LRRC37A2: variants seen among roughly 807,000 people sequenced by gnomAD.
LRRC37A2 encodes the protein leucine-rich repeat-containing protein 37A2.
LRRC37A2 carries 9 observed loss-of-function variants against 68.8 expected under a neutral mutation model. The ratio of observed to expected loss-of-function variants is 0.13; its 90% CI spans 0.08 to 0.23. The LOEUF is 0.23. LRRC37A2 is among the 10% of genes least tolerant of loss of function. The probability of loss-of-function intolerance (pLI) is 1.00; values close to 1 mark genes in which losing one functional copy is unlikely to be tolerated. For synonymous variants in LRRC37A2, 63 were observed against 367.6 expected, an observed-to-expected ratio of 0.17 and a Z score of 9.48; for missense variants, 168 against 950.4, an observed-to-expected ratio of 0.18 and a Z score of 10.82.
chr17:46,959,840 C>G, the LRRC37A2 span, among the ~76,000 whole-genome samples: 1 of 152,210 alleles, frequency 6.6e-6, no homozygotes, highest in African/African-American at 2.4e-5. Context: ...TTCTTCCCAC[C>G]ACTGGAGCTG....
At chr17:46,731,562 A>G in the LRRC37A2 span, among the ~76,000 whole-genome samples, 10 of 152,352 alleles carry the variant, frequency 6.6e-5, no homozygotes, top group East Asian at 1.9e-3. Context: ...GAAAGGAGAC[A>G]TAGAGTTAGA....
chr17:46,735,277 G>A, the LRRC37A2 span, among the ~76,000 whole-genome samples: 1 of 152,038 alleles, frequency 6.6e-6, no homozygotes, highest in East Asian at 1.9e-4. Context: ...TGCTAATAGT[G>A]TTGAGACGAA....
the LRRC37A2 span, chr17:47,027,421 G>A: frequency 1.9e-6 from 1 of 536,298 alleles, no homozygotes; most frequent in Non-Finnish European, 3.4e-6. Flanking sequence ...GCTCTGGAAA[G>A]TTCAAATACA....
the LRRC37A2 span, chr17:46,935,143 C>G: frequency 1.2e-6 from 2 of 1,613,992 alleles, no homozygotes; most frequent in East Asian, 2.2e-5. Flanking sequence ...TTTAGATGGA[C>G]TGAGGACCCA....
chr17:46,819,286 G>A, the LRRC37A2 span, among the ~76,000 whole-genome samples: 3 of 152,204 alleles, frequency 2.0e-5, no homozygotes, highest in Non-Finnish European at 2.9e-5. The surrounding 1 kb of genome is among the most constrained non-coding windows in gnomAD (Gnocchi z 5.3). Flanking sequence ...GGAACGTGCG[G>A]AAAAGTCCGC....
the LRRC37A2 span, chr17:46,768,697 C>T: frequency 1.2e-6 from 2 of 1,614,018 alleles, no homozygotes; most frequent in South Asian, 1.1e-5. The surrounding 1 kb of genome is among the most constrained non-coding windows in gnomAD (Gnocchi z 5.0). Context: ...AGGAAGTCAC[C>T]GATGGCACGG....
chr17:46,708,495 T>A, the LRRC37A2 span, among the ~76,000 whole-genome samples: 1 of 146,018 alleles, frequency 6.8e-6, no homozygotes, highest in African/African-American at 2.5e-5. Context: ...CATATCCTTT[T>A]TTTTTTTTTT....
the LRRC37A2 span, among the ~76,000 whole-genome samples, chr17:46,782,111 G>T: frequency 8.5e-5 from 13 of 152,206 alleles, no homozygotes; most frequent in Admixed American, 2.6e-4. Flanking sequence ...CGGTCTCAGG[G>T]TGCTCTCCAG....
chr17:46,818,449 C>T, the LRRC37A2 span: 1 of 1,507,412 alleles, frequency 6.6e-7, no homozygotes, highest in African/African-American at 1.4e-5. Context: ...CCACCCCCAG[C>T]CGGCGCCCCC....
the LRRC37A2 span, among the ~76,000 whole-genome samples, chr17:46,765,666 C>T: frequency 2.0e-5 from 3 of 152,250 alleles, no homozygotes; most frequent in African/African-American, 4.8e-5. Flanking sequence ...GAGTCTCGGC[C>T]GAGCCTGGGC....
chr17:46,704,880 T>C, the LRRC37A2 span: 1 of 1,579,018 alleles, frequency 6.3e-7, no homozygotes, highest in African/African-American at 1.4e-5. Context: ...GAGTGATATA[T>C]AGGCCAAAAA....
intron 6 of LRRC37A2, among the ~76,000 whole-genome samples, chr17:46,534,319 G>C (rs1430180143): frequency 1.4e-5 from 2 of 141,688 alleles, no homozygotes; most frequent in African/African-American, 2.8e-5. Flanking sequence ...AAGGTCTCTG[G>C]TTTTCCTAGG....
the LRRC37A2 span, among the ~76,000 whole-genome samples, chr17:46,729,479 G>GTGGC: frequency 1.3e-5 from 2 of 152,222 alleles, no homozygotes; most frequent in South Asian, 4.1e-4. Flanking sequence ...TTTTACTGAT[G>GTGGC]TGGCTATTAG....
the LRRC37A2 span, among the ~76,000 whole-genome samples, chr17:46,896,430 G>A: frequency 9.7e-5 from 10 of 103,498 alleles, no homozygotes; most frequent in South Asian, 6.3e-4. Flanking sequence ...AAGAAAGAAA[G>A]AAAGAAAGAA....
chr17:46,937,049 G>A, the LRRC37A2 span: 2 of 153,940 alleles, frequency 1.3e-5, no homozygotes, highest in African/African-American at 4.8e-5. Flanking sequence ...GAGTGACTTG[G>A]GGTCTGCCCC....
At chr17:46,865,692 T>C in the LRRC37A2 span, among the ~76,000 whole-genome samples, 1 of 152,120 alleles carries the variant, frequency 6.6e-6, no homozygotes, top group African/African-American at 2.4e-5. Context: ...CATGGCCCAC[T>C]GCAGCCTTGA....
chr17:46,878,760 T>C, the LRRC37A2 span, among the ~76,000 whole-genome samples: 4 of 152,180 alleles, frequency 2.6e-5, no homozygotes, highest in South Asian at 8.3e-4. Flanking sequence ...TCCACCAACA[T>C]GCCACCTGCA....
the LRRC37A2 span, among the ~76,000 whole-genome samples, chr17:46,778,731 G>A: frequency 2.0e-5 from 3 of 152,058 alleles, no homozygotes; most frequent in South Asian, 2.1e-4. Flanking sequence ...TGACTCCAGC[G>A]GGGCTGTTTC....
the LRRC37A2 span, among the ~76,000 whole-genome samples, chr17:46,806,940 C>G: frequency 6.6e-6 from 1 of 152,156 alleles, no homozygotes; most frequent in African/African-American, 2.4e-5. Flanking sequence ...CCTGGGCACT[C>G]CGTCACCTGT....
Sources: allele counts gnomAD v4.1 joint callset (sites outside exome capture counted in the v4.1 genomes callset), GRCh38; gene constraint gnomAD v4.1.1; non-coding constraint Gnocchi (gnomAD v3.1); transcripts MANE v1.5; gene names NCBI Gene and HGNC (gene_info 2026-07-23, HGNC 2026-07-21).